Variants in FGD3 observed in about 807,000 individuals in gnomAD.
The protein encoded by FGD3 is FYVE, RhoGEF and PH domain-containing protein 3.
A neutral mutation model predicts 71.8 loss-of-function variants in FGD3; 45 were observed. That is an observed-to-expected ratio of 0.63 (90% CI 0.49 to 0.80). The LOEUF (loss-of-function observed/expected upper bound fraction) is 0.80. Among genes scored for constraint, FGD3 ranks in the 30% least tolerant of loss-of-function variants. The probability of loss-of-function intolerance (pLI) is 0.00; values close to 1 mark genes in which losing one functional copy is unlikely to be tolerated. For synonymous variants in FGD3, 378 were observed against 392.8 expected (o/e 0.96, Z 0.44); for missense variants, 844 against 951.5 (o/e 0.89, Z 1.49).
intron 3 of FGD3, among the ~76,000 whole-genome samples, chr9:92,984,398 T>G (rs1860112396): frequency 6.6e-6 from 1 of 152,244 alleles, no homozygotes; most frequent in Non-Finnish European, 1.5e-5. Flanking sequence ...AAATTAATTT[T>G]CCTTCTGTTA....
At chr9:92,983,494 C>T (rs998441674) in intron 3 of FGD3, among the ~76,000 whole-genome samples, 1 of 152,146 alleles carries the variant, frequency 6.6e-6, no homozygotes, top group Admixed American at 6.5e-5. Flanking sequence ...CACTGCACTC[C>T]AGCCTGGGCA....
chr9:93,025,014 G>A (rs894157350), intron 14 of FGD3, among the ~76,000 whole-genome samples: 4 of 152,186 alleles, frequency 2.6e-5, no homozygotes, highest in African/African-American at 9.7e-5. Flanking sequence ...CCTATTGGCC[G>A]CCTGCCTCCG....
chr9:93,033,607 G>C (rs1245585319), intron 16 of FGD3: 1 of 154,494 alleles, frequency 6.5e-6, no homozygotes, highest in Non-Finnish European at 1.4e-5. Flanking sequence ...AGTCTATTCT[G>C]GGGGGTTGCA....
chr9:92,984,053 T>G (rs1860097506), intron 3 of FGD3, among the ~76,000 whole-genome samples: 1 of 152,316 alleles, frequency 6.6e-6, no homozygotes, highest in Non-Finnish European at 1.5e-5. Flanking sequence ...GCCTAGGACA[T>G]CCAACAGAAA....
At chr9:93,027,678 C>T (rs10821056) in intron 14 of FGD3, among the ~76,000 whole-genome samples, 20,704 of 150,848 alleles carry the variant, frequency 0.14, 1,568 homozygotes, top group South Asian at 0.17. Flanking sequence ...CTTGCTTCTT[C>T]ACCCCCAACC....
chr9:92,973,337 A>G (rs971020896), intron 1 of FGD3, among the ~76,000 whole-genome samples: 1 of 151,556 alleles, frequency 6.6e-6, no homozygotes, highest in Non-Finnish European at 1.5e-5. Context: ...CTGGTCTCGA[A>G]CTCCTGCCCT....
chr9:93,028,035 C>G (rs1446428035), intron 14 of FGD3, among the ~76,000 whole-genome samples: 4 of 152,040 alleles, frequency 2.6e-5, no homozygotes, highest in Non-Finnish European at 1.5e-5. Flanking sequence ...CTCCTTAAAC[C>G]TGAAGAGTTT....
intron 7 of FGD3, among the ~76,000 whole-genome samples, chr9:93,010,811 C>G (rs1385286549): frequency 6.6e-6 from 1 of 151,988 alleles, no homozygotes; most frequent in Admixed American, 6.6e-5. Context: ...AAAAATCTCC[C>G]CTGCTTGAAG....
Position 92,976,329 on chromosome 9 carries a change from GGCAGTTCCTCCCTAGGGAA to G in FGD3, c.76_94del (p.Ser26PhefsTer28). 1 of 1,610,580 alleles carries G rather than the reference GGCAGTTCCTCCCTAGGGAA, an allele frequency of 6.2e-7. No individual in the cohort carries two copies. The highest frequency in any genetic ancestry group is 8.5e-7 in the Non-Finnish European group (1 of 1,178,920). On this transcript the variant is annotated frameshift_variant, in exon 3 of 18. Coordinates refer to ENST00000375482, the MANE Select transcript of FGD3 (RefSeq NM_001083536.2). LOFTEE classifies it high-confidence loss of function. The stretch of plus-strand genomic sequence containing the variant: ...CCTAGGGATGCCAGACACTGGGCCT[GGCAGTTCCTCCCTAGGGAA>G]GCTTCAGGCGCTCCCTGTTGGGCCC...
At chr9:93,032,675 A>C in intron 15 of FGD3, 94 bp from the exon 16 acceptor site, 1 of 607,968 alleles carries the variant, frequency 1.6e-6, no homozygotes, top group Non-Finnish European at 2.4e-6. Flanking sequence ...CCTCCCGCCC[A>C]CTCCACCTCC....
At chr9:93,020,292 C>T (rs1861864085) in intron 12 of FGD3, 25 bp from the exon 13 acceptor site, 2 of 1,595,500 alleles carry the variant, frequency 1.3e-6, no homozygotes, top group Non-Finnish European at 1.7e-6. Context: ...CTTTATAGTC[C>T]TCACTGTTGT....
At chr9:93,024,916 G>C (rs1237143119) in intron 14 of FGD3, among the ~76,000 whole-genome samples, 1 of 152,276 alleles carries the variant, frequency 6.6e-6, no homozygotes, top group African/African-American at 2.4e-5. Context: ...GCAGGGCTTT[G>C]AGCAAATGCC....
At position 93,020,512 on chromosome 9, in the gene FGD3, T is replaced by C. The variant is rs533868730; in HGVS notation, c.1494+88T>C. 5.4e-6 allele frequency: 6 copies of C among 1,112,356 alleles called. No homozygotes were observed. In the African/African-American group the frequency reaches 7.8e-5, roughly 14 times the overall value. 68.9% of individuals were successfully genotyped at this position (1,112,356 alleles called of 1,614,324 possible). A position where few individuals can be genotyped will look rare whatever the true frequency, so the allele number is the denominator to read the frequency against. On this transcript the variant is annotated intron_variant, in intron 13 of 17. Coordinates refer to ENST00000375482, the MANE Select transcript of FGD3 (RefSeq NM_001083536.2). ...AGGCACTGGCGTCTGGGTGGGCAGCTTGACCTCCAGGCTTTCCTCCTGCTA... is the reference window on the plus strand; with the variant it reads ...AGGCACTGGCGTCTGGGTGGGCAGCCTGACCTCCAGGCTTTCCTCCTGCTA...
chr9:92,948,364 C>T (rs1858893656), intron 1 of FGD3, among the ~76,000 whole-genome samples: 1 of 152,218 alleles, frequency 6.6e-6, no homozygotes. Context: ...TTCATTAAGA[C>T]CTCCAGTTCT....
chr9:93,010,517 A>AAGAG (rs1554735658), intron 7 of FGD3, 133 bp downstream of exon 7: 2 of 743,160 alleles, frequency 2.7e-6, no homozygotes, highest in African/African-American at 3.9e-5. Context: ...ACCAGAGGGA[A>AAGAG]AGAGACAGAG....
intron 3 of FGD3, among the ~76,000 whole-genome samples, chr9:92,988,375 A>G (rs912677887): frequency 1.3e-4 from 20 of 152,212 alleles, no homozygotes; most frequent in Non-Finnish European, 2.9e-5. Flanking sequence ...TCCCTTACCT[A>G]CACAAAAACA....
chr9:92,954,846 G>A (rs751362061), intron 1 of FGD3, among the ~76,000 whole-genome samples: 2 of 152,192 alleles, frequency 1.3e-5, no homozygotes, highest in Admixed American at 1.3e-4. Flanking sequence ...TAGGCTCTGA[G>A]TATCGTGGCC....
At chr9:92,995,024 G>C (rs1860576323) in intron 3 of FGD3, among the ~76,000 whole-genome samples, 1 of 152,176 alleles carries the variant, frequency 6.6e-6, no homozygotes, top group South Asian at 2.1e-4. Flanking sequence ...GTCATTGGTA[G>C]CTTGATGGGG....
chr9:93,022,346 T>C lies in FGD3; in HGVS notation c.1514T>C (p.Val505Ala). 15 of 1,612,460 alleles carry C rather than the reference T, an allele frequency of 9.3e-6. No individual in the cohort carries two copies. Among genetic ancestry groups the C allele is most frequent in the Non-Finnish European group, 1.3e-5 (15 of 1,179,348 alleles). ...TTCTAGATCACGAGCACCAGCCCTG[T>C]GGAGCCTGTGGTGACCACCGAAGGC... ...PDMPITSTSP[V>A]EPVVTTEGSS... is the part of the protein sequence containing the mutation. Residue 505 changes from valine to alanine, a missense_variant, in exon 14 of 18, where the codon GTG (valine) becomes GCG (alanine). By Grantham distance (64) the Val-to-Ala change is moderately conservative (BLOSUM62 0). Transcript: ENST00000375482.
Sources: allele counts gnomAD v4.1 joint callset (sites outside exome capture counted in the v4.1 genomes callset), GRCh38; gene constraint gnomAD v4.1.1; transcripts MANE v1.5; gene names NCBI Gene and HGNC (gene_info 2026-07-23, HGNC 2026-07-21).